The following CENPT variants were observed in gnomAD, a reference collection of about 807,000 sequenced individuals.
CENPT encodes the protein interphase centromere complex protein 22.
In CENPT, 42 loss-of-function variants were observed where a neutral mutation model predicts 59.7. The ratio of observed to expected loss-of-function variants is 0.70; its 90% CI spans 0.55 to 0.91. The LOEUF (loss-of-function observed/expected upper bound fraction) is 0.91, where lower values mean the gene tolerates loss of function less well. Ranked by LOEUF, CENPT falls within the 40% of genes least tolerant of loss-of-function variation. The probability of loss-of-function intolerance (pLI) is 0.00; values close to 1 mark genes in which losing one functional copy is unlikely to be tolerated. For missense variants in CENPT, 716 were observed against 713.4 expected (o/e 1.00, Z -0.04); for synonymous variants, 295 against 289.6 (o/e 1.02, Z -0.19).
chr16:67,833,928 A>G lies in CENPT; in HGVS notation c.-69T>C. ...CTCCGCCTTCCCGCCGCCACAGTTA[A>G]TGTAACTCTCGCGATGCTCCCGCAC... On this transcript the variant is annotated 5_prime_UTR_variant, in exon 4 of 16. Coordinates refer to ENST00000562787, the MANE Select transcript of CENPT (RefSeq NM_025082.4). 1.9e-6 allele frequency: 2 copies of G among 1,044,676 alleles called. No individual in the cohort carries two copies. Among genetic ancestry groups the G allele is most frequent in the Non-Finnish European group, 2.6e-6 (2 of 757,226 alleles). 64.7% of individuals were successfully genotyped at this position (1,044,676 alleles called of 1,614,324 possible). A position where few individuals can be genotyped will look rare whatever the true frequency, so the allele number is the denominator to read the frequency against.
In CENPT at chr16:67,843,145, A is replaced by G; in HGVS notation, c.-492+4256T>C. The G allele has an allele frequency of 6.2e-7, 1 of 1,609,726 alleles. No individual in the cohort carries two copies. Among genetic ancestry groups the G allele is most frequent in the Non-Finnish European group, 8.5e-7 (1 of 1,179,450 alleles). ...ATCTCACAGTGCAAGTGGAGTTTGC[A>G]GCCGCAGAGGGCGCAGCCGCTGCGG... On this transcript the variant is annotated intron_variant, in intron 1 of 15. Coordinates refer to ENST00000562787, the MANE Select transcript of CENPT (RefSeq NM_025082.4). The surrounding 1 kb of genome is among the most constrained non-coding windows in gnomAD (Gnocchi z 5.7).
chr16:67,838,621 C>G (rs1286654079), intron 1 of CENPT, among the ~76,000 whole-genome samples: 1 of 112,578 alleles, frequency 8.9e-6, no homozygotes, highest in Non-Finnish European at 1.9e-5. Context: ...GACTCCGTCT[C>G]AAAAAAAAAA....
intron 13 of CENPT, 46 bp from the exon 14 acceptor site, chr16:67,828,889 GC>G (rs763994322): frequency 1.3e-6 from 2 of 1,530,248 alleles, no homozygotes; most frequent in Admixed American, 4.6e-5. Flanking sequence ...CCTCAAGGAG[GC>G]TCTTATTCAA....
rs375248908 is a variant in CENPT, at chr16:67,833,701, T to A, written c.110+49A>T. Reference sequence around the variant, plus strand: ...ACGCTGGGTTCCACCCAGACCCCACTCCCCGGTCCCTCTAGTTGCTCAAGT... The same window carrying A: ...ACGCTGGGTTCCACCCAGACCCCACACCCCGGTCCCTCTAGTTGCTCAAGT... On this transcript the variant is annotated intron_variant, in intron 4 of 15. Coordinates refer to ENST00000562787, the MANE Select transcript of CENPT (RefSeq NM_025082.4). 2.6e-5 allele frequency: 31 copies of A among 1,189,192 alleles called. No individual in the cohort carries two copies. The South Asian group carries it at 3.1e-4, about 12-fold the overall frequency. The allele number at this position is 1,189,192 out of a possible 1,614,324, so 73.7% of individuals were successfully genotyped here.
Position 67,829,487 on chromosome 16 carries a change from C to A in CENPT, c.1216G>T (p.Glu406Ter). 6.3e-7 allele frequency: 1 copy of A among 1,593,258 alleles called. No individual in the cohort carries two copies. The highest frequency in any genetic ancestry group is 8.5e-7 in the Non-Finnish European group (1 of 1,174,752). The part of the protein sequence containing the change: ...ASPESASSTP[E>*]SLQARRHHQF... ...TGATGTCGCCTGGCCTGGAGAGACT[C>A]AGGGGTGCTGGAGGCCGACTCTGGA... The change falls in exon 13 of 16, where the codon GAG becomes TAG. Residue 406 changes from glutamate to a stop codon, truncating the protein, a stop_gained. Coordinates refer to ENST00000562787, the MANE Select transcript of CENPT (RefSeq NM_025082.4). LOFTEE classifies it high-confidence loss of function.
chr16:67,830,875 G>A, intron 10 of CENPT: 1 of 508,616 alleles, frequency 2.0e-6, no homozygotes, highest in Non-Finnish European at 3.5e-6. Flanking sequence ...TTCTTACTCT[G>A]GTGAACTTGT....
Position 67,831,738 on chromosome 16 carries a change from G to T in CENPT, c.523+16C>A, listed in dbSNP as rs2151285227. ...CAGGAGGGAGAGGGTAGCAAAAGTG[G>T]TGTCCAGGGCCTCACCTTGGGAGAG... is the stretch of plus-strand genomic sequence containing the variant. On this transcript the variant is annotated intron_variant, in intron 8 of 15. Transcript: ENST00000562787. 6.3e-7 allele frequency: 1 copy of T among 1,581,372 alleles called. No individual in the cohort carries two copies. The highest frequency in any genetic ancestry group is 2.2e-5 in the East Asian group (1 of 44,706).
chr16:67,831,724 G>A (rs760885247), intron 8 of CENPT, 30 bp downstream of exon 8: 1 of 1,585,724 alleles, frequency 6.3e-7, no homozygotes, highest in Non-Finnish European at 8.6e-7. Flanking sequence ...AGGAGGGAGA[G>A]GGTAGCAAAA....
chr16:67,832,481 C>G lies in CENPT; in HGVS notation c.175G>C (p.Ala59Pro). 6.2e-7 allele frequency: 1 copy of G among 1,614,204 alleles called. No individual in the cohort carries two copies. The highest frequency in any genetic ancestry group is 8.5e-7 in the Non-Finnish European group (1 of 1,180,050). The change falls in exon 5 of 16, where the codon GCC becomes CCC. Residue 59 changes from alanine to proline, a missense_variant. Physicochemically the swap from Ala to Pro is conservative, Grantham distance 27 (BLOSUM62 -1). Coordinates refer to ENST00000562787, the MANE Select transcript of CENPT (RefSeq NM_025082.4). Reference protein sequence around the residue: ...RKLSGQTRTIARGRSHGARSV... With the variant: ...RKLSGQTRTIPRGRSHGARSV... ...CTGGCTCCATGGGAACGCCCTCTGG[C>G]TATCGTCCTTGTTTGGCCACTCAAC...
rs2057719893 is a variant in CENPT at position 67,834,043 on chromosome 16, C to T, written c.-184G>A. 6.2e-6 allele frequency: 3 copies of T among 485,794 alleles called. No individual in the cohort carries two copies. The highest frequency in any genetic ancestry group is 4.3e-5 in the Admixed American group (1 of 23,268). The allele number at this position is 485,794 out of a possible 1,614,324, so 30.1% of individuals were successfully genotyped here. A position where few individuals can be genotyped will look rare whatever the true frequency, so the allele number is the denominator to read the frequency against. ...ACTCCGGATGCTTTGGAGGCAGCCT[C>T]GCTGCGGGTAAACCTCGGTTAATGT... On this transcript the variant is annotated 5_prime_UTR_variant, in exon 4 of 16. Transcript: ENST00000562787.
intron 1 of CENPT, among the ~76,000 whole-genome samples, chr16:67,841,193 CAAAA>C (rs772893427): frequency 3.6e-5 from 1 of 27,574 alleles, no homozygotes; most frequent in Non-Finnish European, 8.1e-5. Flanking sequence ...GACTCCTTTA[CAAAA>C]AAAAAAAAAA....
chr16:67,840,754 T>A (rs568078986), intron 1 of CENPT, among the ~76,000 whole-genome samples: 1 of 151,696 alleles, frequency 6.6e-6, no homozygotes, highest in Non-Finnish European at 1.5e-5. Flanking sequence ...TTAAAAAAAA[T>A]TGGGAGAAGG....
chr16:67,831,692 C>T, intron 8 of CENPT, 62 bp downstream of exon 8: 1 of 1,602,072 alleles, frequency 6.2e-7, no homozygotes, highest in South Asian at 1.1e-5. Context: ...TCTCTCAGGA[C>T]TCCTCAGCCT....
intron 1 of CENPT, among the ~76,000 whole-genome samples, chr16:67,841,386 C>T (rs973535940): frequency 6.6e-6 from 1 of 152,130 alleles, no homozygotes; most frequent in Non-Finnish European, 1.5e-5. Context: ...CGGGCCACCC[C>T]TTTCCAGGCT....
intron 13 of CENPT, chr16:67,829,138 C>T (rs2057650075): frequency 3.9e-6 from 2 of 516,712 alleles, no homozygotes; most frequent in Non-Finnish European, 6.8e-6. Context: ...AGTCTCTCTC[C>T]TTACTCTACT....
rs1245888650 is a variant in CENPT at position 67,833,650 on chromosome 16, TCA to T, written c.110+98_110+99del. On this transcript the variant is annotated intron_variant, in intron 4 of 15. Transcript: ENST00000562787. The stretch of plus-strand genomic sequence containing the variant: ...CCCAGACCCTGCTCCTCTCTGAGAC[TCA>T]GTTTTCCTCTTCGAACAGAGTCGAC... 1.0e-5 allele frequency: 7 copies of T among 679,016 alleles called. No individual in the cohort carries two copies. In the East Asian group the frequency reaches 1.7e-4, roughly 17 times the overall value. 42.1% of individuals were successfully genotyped at this position (679,016 alleles called of 1,614,324 possible). A position where few individuals can be genotyped will look rare whatever the true frequency, so the allele number is the denominator to read the frequency against.
rs1416016553 is a variant in CENPT, at chr16:67,842,950, GT to G, written c.-492+4450del. The G allele has an allele frequency of 6.2e-7, 1 of 1,609,456 alleles. No homozygotes were observed. Among genetic ancestry groups the G allele is most frequent in the African/African-American group, 1.3e-5 (1 of 74,112 alleles). On this transcript the variant is annotated intron_variant, in intron 1 of 15. Coordinates refer to ENST00000562787, the MANE Select transcript of CENPT (RefSeq NM_025082.4). The surrounding 1 kb of genome is among the most constrained non-coding windows in gnomAD (Gnocchi z 4.9). The stretch of plus-strand genomic sequence containing the variant: ...AGCAGCAGCAGCAGCAGCAGCAGCA[GT>G]CCTCACCCTCTGCCTCCACTGCCCA...
intron 1 of CENPT, among the ~76,000 whole-genome samples, chr16:67,845,507 T>C (rs1038415956): frequency 7.9e-5 from 12 of 152,176 alleles, no homozygotes; most frequent in Admixed American, 7.9e-4. Context: ...GCAGTGCCCT[T>C]TGTTGCTCCT....
In CENPT at chr16:67,831,820, T is replaced by C. The variant is rs535231412; in HGVS notation, c.457A>G (p.Arg153Gly). Residue 153 changes from arginine to glycine, a missense_variant, in exon 8 of 16, where the codon AGG becomes GGG. Transcript: ENST00000562787. ...LAPGLLAPGR[R>G]KQRLRLSVFQ... ...ACTGACAGTCTCAGCCTCTGTTTCC[T>C]CCTGCCAGGGGCCAGCAGACCTGGA... is the stretch of plus-strand genomic sequence containing the variant. The C allele has an allele frequency of 1.4e-5, 22 of 1,604,506 alleles. No individual in the cohort carries two copies. The highest frequency in any genetic ancestry group is 1.9e-5 in the Non-Finnish European group (22 of 1,176,410).
Sources: gnomAD v4.1 joint callset for allele counts (sites outside exome capture counted in the v4.1 genomes callset) on GRCh38, gnomAD v4.1.1 for gene constraint, Gnocchi (gnomAD v3.1) non-coding constraint, MANE v1.5 for transcripts, NCBI Gene and HGNC (gene_info 2026-07-23, HGNC 2026-07-21) for gene names.